Variants in DMD observed in about 807,000 individuals in gnomAD.
The protein encoded by DMD is dystrophin.
DMD carries 63 observed loss-of-function variants against 330.1 expected under a neutral mutation model. The ratio of observed to expected loss-of-function variants is 0.19; its 90% CI spans 0.16 to 0.24. The LOEUF (loss-of-function observed/expected upper bound fraction) is 0.24, where lower values mean the gene tolerates loss of function less well. Ranked by LOEUF, DMD falls within the 10% of genes least tolerant of loss-of-function variation. The pLI, the probability that DMD is intolerant of heterozygous loss-of-function variation, is 1.00. For synonymous variants in DMD, 1,223 were observed against 959.8 expected (o/e 1.27, Z -5.07); for missense variants, 3,344 against 2,684.1 (o/e 1.25, Z -5.43).
intron 1 of DMD, among the ~76,000 whole-genome samples, chrX:33,094,932 C>T (rs5928172): frequency 9.1e-6 from 1 of 110,057 alleles, no homozygotes; most frequent in South Asian, 3.8e-4. Context: ...AAATTCTAAA[C>T]ATATTTGAAA....
At chrX:33,016,916 T>C (rs1472952274) in intron 2 of DMD, among the ~76,000 whole-genome samples, 1 of 112,068 alleles carries the variant, frequency 8.9e-6, no homozygotes, top group African/African-American at 3.2e-5. Context: ...TCATAGAGTA[T>C]ACACGAGGCT....
rs1213220858 is a variant in DMD at position 33,179,121 on chromosome X, G to GA, written c.31+32160dup. 3.0e-4 allele frequency among the ~76,000 whole-genome samples: 34 copies of GA among 111,787 alleles called. 1 individual carries two copies. The highest frequency in any genetic ancestry group is 2.9e-3 in the Admixed American group (30 of 10,518). ...AAAAGCTTACTTCAGAGATCTCTCA[G>GA]AAAAAAATTGGAGTACAGCCTGAAG... On this transcript the variant is annotated intron_variant, in intron 1 of 78. Coordinates refer to ENST00000357033, the MANE Select transcript of DMD (RefSeq NM_004006.3).
intron 13 of DMD, among the ~76,000 whole-genome samples, chrX:32,578,299 A>C (rs1288033177): frequency 8.9e-6 from 1 of 112,492 alleles, no homozygotes; most frequent in East Asian, 2.8e-4. Flanking sequence ...TATAGAGCTA[A>C]ACATTCTACA....
chrX:32,570,524 A>G (rs2052293872), intron 15 of DMD, among the ~76,000 whole-genome samples: 1 of 112,112 alleles, frequency 8.9e-6, no homozygotes, highest in Admixed American at 9.5e-5. Flanking sequence ...AAAAATGTTA[A>G]CATAGAGGCA....
chrX:32,263,679 A>G (rs981219424), intron 43 of DMD, among the ~76,000 whole-genome samples: 1 of 111,895 alleles, frequency 8.9e-6, no homozygotes, highest in Non-Finnish European at 1.9e-5. Context: ...AAAGACATGA[A>G]ACACATATGC....
At chrX:32,366,148 T>C (rs2097853736) in intron 34 of DMD, among the ~76,000 whole-genome samples, 1 of 112,191 alleles carries the variant, frequency 8.9e-6, no homozygotes, top group Non-Finnish European at 1.9e-5. Flanking sequence ...TGAAAAAAGA[T>C]AGAGAGTAGT....
At chrX:31,282,292 G>C in intron 62 of DMD, among the ~76,000 whole-genome samples, 1 of 111,558 alleles carries the variant, frequency 9.0e-6, no homozygotes. Context: ...AACAGGCTTT[G>C]CTCAAAGTGC....
At chrX:32,404,514 G>A (rs1360731384) in intron 30 of DMD, among the ~76,000 whole-genome samples, 1 of 111,390 alleles carries the variant, frequency 9.0e-6, no homozygotes, top group Non-Finnish European at 1.9e-5. Flanking sequence ...TAAAGCTACT[G>A]GAGCCACTGC....
intron 49 of DMD, among the ~76,000 whole-genome samples, chrX:31,827,522 C>T (rs185622061): frequency 1.1e-4 from 12 of 111,637 alleles, no homozygotes; most frequent in African/African-American, 3.6e-4. Context: ...GTCACTGAAA[C>T]AAAAACTTAA....
At chrX:31,861,573 G>C (rs1369825043) in intron 48 of DMD, among the ~76,000 whole-genome samples, 1 of 80,387 alleles carries the variant, frequency 1.2e-5, no homozygotes, top group Admixed American at 1.3e-4. Flanking sequence ...GAACAGAATA[G>C]TATGCAACTG....
chrX:32,849,113 A>C (rs1389774023), intron 3 of DMD, among the ~76,000 whole-genome samples: 1 of 111,574 alleles, frequency 9.0e-6, no homozygotes, highest in Non-Finnish European at 1.9e-5. Flanking sequence ...TGGGGGCTTA[A>C]ACTCTACTTT....
chrX:32,951,676 T>C (rs772523234), intron 2 of DMD, among the ~76,000 whole-genome samples: 20 of 111,901 alleles, frequency 1.8e-4, no homozygotes, highest in Admixed American at 9.5e-5. Flanking sequence ...ATTATTCATA[T>C]AATCCAAGAA....
Position 32,544,937 on chromosome X carries a change from C to T in DMD, c.2168+222G>A, listed in dbSNP as rs228372. Among the ~76,000 whole-genome samples the T allele has an allele frequency of 0.15, 16,905 of 110,189 alleles. 1,129 individuals carry two copies. Among genetic ancestry groups the T allele is most frequent in the East Asian group, 0.31 (1,064 of 3,480 alleles). ...TAGTTTCTATAGTTTCTTCTTTCAC[C>T]CCAGAAAACACCATTTCCATTAAGC... On this transcript the variant is annotated intron_variant, in intron 17 of 78. Transcript: ENST00000357033.
chrX:32,673,494 C>T (rs891153198), intron 9 of DMD, among the ~76,000 whole-genome samples: 1 of 111,556 alleles, frequency 9.0e-6, no homozygotes, highest in Non-Finnish European at 1.9e-5. Context: ...TGGCTTATAA[C>T]GTGAACGCCT....
intron 34 of DMD, among the ~76,000 whole-genome samples, chrX:32,379,991 G>A (rs1418799390): frequency 2.7e-5 from 3 of 111,501 alleles, no homozygotes; most frequent in Non-Finnish European, 5.7e-5. Context: ...GGCCATCAGA[G>A]AAAGGGCAAG....
intron 44 of DMD, among the ~76,000 whole-genome samples, chrX:31,980,825 A>G (rs2095471360): frequency 8.9e-6 from 1 of 111,889 alleles, no homozygotes; most frequent in Admixed American, 9.5e-5. Context: ...TCTCCCAAAT[A>G]AGTCTGTTTC....
At chrX:32,052,876 G>C (rs964325861) in intron 44 of DMD, among the ~76,000 whole-genome samples, 2 of 111,115 alleles carry the variant, frequency 1.8e-5, no homozygotes, top group Admixed American at 1.9e-4. Flanking sequence ...ATTACGCACT[G>C]AGGAACAACT....
intron 50 of DMD, among the ~76,000 whole-genome samples, chrX:31,793,198 A>C (rs955465336): frequency 1.8e-5 from 2 of 110,097 alleles, no homozygotes; most frequent in Non-Finnish European, 3.8e-5. Flanking sequence ...TAGGCACAGG[A>C]TGGGGTGGGG....
intron 55 of DMD, among the ~76,000 whole-genome samples, chrX:31,588,803 C>G (rs974373161): frequency 9.1e-6 from 1 of 109,383 alleles, no homozygotes; most frequent in Admixed American, 9.9e-5. Flanking sequence ...AGGTTTCTAG[C>G]TGTCCAAAAA....
Sources: gnomAD v4.1 joint callset for allele counts (sites outside exome capture counted in the v4.1 genomes callset) on GRCh38, gnomAD v4.1.1 for gene constraint, MANE v1.5 for transcripts, NCBI Gene and HGNC (gene_info 2026-07-23, HGNC 2026-07-21) for gene names.